The following NPTN variants were observed in gnomAD, a reference collection of about 807,000 sequenced individuals.
NPTN encodes the protein SDR-1.
NPTN carries 5 observed loss-of-function variants against 42.7 expected under a neutral mutation model. The ratio of observed to expected loss-of-function variants is 0.12; its 90% CI spans 0.06 to 0.25. The LOEUF (loss-of-function observed/expected upper bound fraction) is 0.25, where lower values mean the gene tolerates loss of function less well. NPTN is among the 10% of genes least tolerant of loss of function. NPTN has a pLI of 1.00. For missense variants in NPTN, 307 were observed against 525.4 expected (o/e 0.58, Z 4.06); for synonymous variants, 180 against 201.9 (o/e 0.89, Z 0.92).
At chr15:73,601,236 G>A (rs1210609354) in intron 1 of NPTN, among the ~76,000 whole-genome samples, 1 of 151,960 alleles carries the variant, frequency 6.6e-6, no homozygotes, top group Non-Finnish European at 1.5e-5. Flanking sequence ...AATAAACTGT[G>A]CTGCCTCTAA....
rs1380584815 is a variant in NPTN, at chr15:73,570,150, C to T, written c.1114G>A (p.Asp372Asn). ...KRKRPDEVPD[D>N]DEPAGPMKTN... Reference sequence around the variant, plus strand: ...AGCTATTTTGTAGGGATGCTCTTACCGTCAGGAACCTCATCTGGCCTCTTC... The same window carrying T: ...AGCTATTTTGTAGGGATGCTCTTACTGTCAGGAACCTCATCTGGCCTCTTC... The change falls in exon 6 of 9, where the codon GAT becomes AAT. Residue 372 changes from aspartate (D) to asparagine (N), a missense_variant and splice_region_variant. This residue lies in a region of NPTN where 264 missense variants were observed against 491.1 expected (regional missense o/e 0.54). Coordinates refer to ENST00000345330, the MANE Select transcript of NPTN (RefSeq NM_012428.4). The surrounding 1 kb of genome is among the most constrained non-coding windows in gnomAD (Gnocchi z 4.0). 6.2e-7 allele frequency: 1 copy of T among 1,601,312 alleles called. No homozygotes were observed. Among genetic ancestry groups the T allele is most frequent in the Non-Finnish European group, 8.5e-7 (1 of 1,171,666 alleles).
Position 73,570,394 on chromosome 15 carries a change from G to A in NPTN, c.870C>T (p.Phe290=). The A allele has an allele frequency of 6.2e-7, 1 of 1,613,464 alleles. No homozygotes were observed. The highest frequency in any genetic ancestry group is 8.5e-7 in the Non-Finnish European group (1 of 1,179,960). ...MDIVNTSGRF[F]IINKENYTEL... ...CAGTGTAATTTTCCTTGTTGATGAT[G>A]AAGAAGCGGCCAGAGGTATTGACAA... Residue 290 remains phenylalanine (F), a synonymous_variant, in exon 6 of 9, where the codon TTC becomes TTT. Coordinates refer to ENST00000345330, the MANE Select transcript of NPTN (RefSeq NM_012428.4). The surrounding 1 kb of genome is among the most constrained non-coding windows in gnomAD (Gnocchi z 4.0).
intron 7 of NPTN, among the ~76,000 whole-genome samples, chr15:73,562,551 A>C (rs994399959): frequency 6.6e-6 from 1 of 152,194 alleles, no homozygotes; most frequent in African/African-American, 2.4e-5. Context: ...GCCCTCTGGT[A>C]CTTAACAAAT....
At chr15:73,628,259 C>T (rs1015908743) in intron 1 of NPTN, among the ~76,000 whole-genome samples, 1 of 152,046 alleles carries the variant, frequency 6.6e-6, no homozygotes, top group African/African-American at 2.4e-5. Flanking sequence ...TATATTTTTC[C>T]GGATGCTCCT....
intron 1 of NPTN, among the ~76,000 whole-genome samples, chr15:73,603,015 A>G (rs1897140258): frequency 6.6e-6 from 1 of 152,206 alleles, no homozygotes; most frequent in Non-Finnish European, 1.5e-5. Context: ...GCCAAGAGAA[A>G]CTACATAGTT....
chr15:73,614,388 A>G (rs1235275316), intron 1 of NPTN, among the ~76,000 whole-genome samples: 2 of 152,148 alleles, frequency 1.3e-5, no homozygotes, highest in African/African-American at 4.8e-5. Flanking sequence ...TAAAACCTGA[A>G]ACCTCAGTTC....
intron 1 of NPTN, among the ~76,000 whole-genome samples, chr15:73,612,257 A>G (rs1027837974): frequency 6.6e-5 from 10 of 152,038 alleles, no homozygotes; most frequent in African/African-American, 2.4e-4. Flanking sequence ...TGTGTCTTAC[A>G]AAAATGTGAA....
intron 4 of NPTN, among the ~76,000 whole-genome samples, chr15:73,577,239 A>G (rs894097751): frequency 2.6e-5 from 4 of 152,340 alleles, no homozygotes; most frequent in African/African-American, 7.2e-5. Flanking sequence ...TCAGACAGTT[A>G]CAAGGTGGTT....
chr15:73,608,524 T>C (rs1032006375), intron 1 of NPTN, among the ~76,000 whole-genome samples: 2 of 152,186 alleles, frequency 1.3e-5, no homozygotes, highest in Non-Finnish European at 2.9e-5. Flanking sequence ...TTGAGTGCTA[T>C]TATATGTCAA....
At chr15:73,568,017 C>T (rs1228143941) in intron 6 of NPTN, 1 of 985,280 alleles carries the variant, frequency 1.0e-6, no homozygotes, top group East Asian at 1.1e-4. Context: ...GAGGTACTTT[C>T]CCTCTAGGAA....
chr15:73,621,171 C>T (rs1363348843), intron 1 of NPTN, among the ~76,000 whole-genome samples: 1 of 152,032 alleles, frequency 6.6e-6, no homozygotes, highest in African/African-American at 2.4e-5. Context: ...ACAAGGGTCC[C>T]TGTGACTAAA....
intron 1 of NPTN, among the ~76,000 whole-genome samples, chr15:73,613,464 T>C (rs971757080): frequency 2.0e-5 from 3 of 152,160 alleles, no homozygotes; most frequent in African/African-American, 7.2e-5. Flanking sequence ...TCTCTTGATT[T>C]TAAATGGTAG....
Position 73,597,434 on chromosome 15 carries a change from GT to G in NPTN, c.92-66del, listed in dbSNP as rs1243765967. 1.7e-6 allele frequency: 2 copies of G among 1,176,320 alleles called. No individual in the cohort carries two copies. Among genetic ancestry groups the G allele is most frequent in the Non-Finnish European group, 2.4e-6 (2 of 833,746 alleles). The allele number at this position is 1,176,320 out of a possible 1,614,324, so 72.9% of individuals were successfully genotyped here. A position where few individuals can be genotyped will look rare whatever the true frequency, so the allele number is the denominator to read the frequency against. ...CAGAAAAAAAAAAAAGAATCAACAG[GT>G]GTTAATAGTAATTTAAAGAAAAGAA... On this transcript the variant is annotated intron_variant, in intron 1 of 8. Coordinates refer to ENST00000345330, the MANE Select transcript of NPTN (RefSeq NM_012428.4). This position sits in a 1 kb window ranked among gnomAD's most constrained non-coding sequence, Gnocchi z 6.3.
rs1402136743 is a variant in NPTN, at chr15:73,605,099, A to AGGCG, written c.92-7731_92-7730insCGCC. Among the ~76,000 whole-genome samples the AGGCG allele has an allele frequency of 5.9e-3, 715 of 121,572 alleles. 3 individuals are homozygous for AGGCG. Among genetic ancestry groups the AGGCG allele is most frequent in the East Asian group, 0.017 (64 of 3,822 alleles). The allele number at this position is 121,572 out of a possible 152,430, so 79.8% of individuals were successfully genotyped here. A position where few individuals can be genotyped will look rare whatever the true frequency, so the allele number is the denominator to read the frequency against. On this transcript the variant is annotated intron_variant, in intron 1 of 8. Coordinates refer to ENST00000345330, the MANE Select transcript of NPTN (RefSeq NM_012428.4). ...GTGACAGAGTAGAGACCCTGTCTCAAGGGGGGGGGGGGAAAAGAATGATCT... is the reference window on the plus strand; with the variant it reads ...GTGACAGAGTAGAGACCCTGTCTCAAGGCGGGGGGGGGGGGGAAAAGAATGATCT...
rs368097011 is a variant in NPTN at position 73,560,555 on chromosome 15, A to G, written c.*508T>C. 6.6e-6 allele frequency: 1 copy of G among 152,066 alleles called. No individual in the cohort carries two copies. The highest frequency in any genetic ancestry group is 2.4e-5 in the African/African-American group (1 of 41,432). The allele number at this position is 152,066 out of a possible 1,614,324, so 9.4% of individuals were successfully genotyped here. On this transcript the variant is annotated 3_prime_UTR_variant, in exon 9 of 9. Coordinates refer to ENST00000345330, the MANE Select transcript of NPTN (RefSeq NM_012428.4). ...TCTGACAACATACAATAAGGAATGA[A>G]TATCAGCAGCTTAAAAATGAAACAA...
At chr15:73,580,452 AT>A (rs1895953462) in intron 4 of NPTN, among the ~76,000 whole-genome samples, 5 of 123,720 alleles carry the variant, frequency 4.0e-5, no homozygotes, top group East Asian at 2.2e-4. Flanking sequence ...ATATATATGT[AT>A]ATATACAAAA....
chr15:73,570,446 A>G lies in NPTN; in HGVS notation c.841-23T>C. 1.2e-6 allele frequency: 2 copies of G among 1,603,188 alleles called. No individual in the cohort carries two copies. Among genetic ancestry groups the G allele is most frequent in the Non-Finnish European group, 1.7e-6 (2 of 1,173,742 alleles). On this transcript the variant is annotated intron_variant, in intron 5 of 8. Transcript: ENST00000345330. The surrounding 1 kb of genome is among the most constrained non-coding windows in gnomAD (Gnocchi z 4.0). The stretch of plus-strand genomic sequence containing the variant: ...GTCCTGCAAAAAAGTGAGAATACAC[A>G]AAGGTGAGAGTGAGTAACTGAGCTA...
chr15:73,596,063 A>G (rs990359314), intron 2 of NPTN, among the ~76,000 whole-genome samples: 3 of 152,218 alleles, frequency 2.0e-5, no homozygotes, highest in African/African-American at 4.8e-5. Flanking sequence ...GCTCTGGGAT[A>G]AGGTACACTG....
intron 1 of NPTN, among the ~76,000 whole-genome samples, chr15:73,606,462 T>C (rs552140400): frequency 1.3e-5 from 2 of 152,256 alleles, no homozygotes; most frequent in South Asian, 4.1e-4. Context: ...ACCAGGAATG[T>C]CTCATGCAGG....
Sources: allele counts gnomAD v4.1 joint callset (sites outside exome capture counted in the v4.1 genomes callset), GRCh38; gene constraint gnomAD v4.1.1; regional missense constraint gnomAD v4.1.1; non-coding constraint Gnocchi (gnomAD v3.1); transcripts MANE v1.5; gene names NCBI Gene and HGNC (gene_info 2026-07-23, HGNC 2026-07-21).